The following EBF1 variants were observed in gnomAD, a reference collection of about 807,000 sequenced individuals.
EBF1 encodes EBF transcription factor 1, also known as transcription factor COE1.
In EBF1, 10 loss-of-function variants were observed where a neutral mutation model predicts 68.4. The ratio of observed to expected loss-of-function variants is 0.15; its 90% CI spans 0.09 to 0.25. The LOEUF (loss-of-function observed/expected upper bound fraction) is 0.25. Ranked by LOEUF, EBF1 falls within the 10% of genes least tolerant of loss-of-function variation. The pLI is 1.00. For missense variants in EBF1, 509 were observed against 794.4 expected (o/e 0.64, Z 4.32); for synonymous variants, 298 against 299.8 (o/e 0.99, Z 0.06).
intron 6 of EBF1, among the ~76,000 whole-genome samples, chr5:158,958,095 C>T (rs1375449414): frequency 3.9e-5 from 6 of 152,148 alleles, no homozygotes; most frequent in Non-Finnish European, 7.4e-5. Flanking sequence ...CTGTGTTTCC[C>T]GGCAAAGAGG....
At chr5:158,732,062 C>T (rs908282478) in intron 10 of EBF1, among the ~76,000 whole-genome samples, 13 of 152,164 alleles carry the variant, frequency 8.5e-5, no homozygotes, top group Non-Finnish European at 1.6e-4. Context: ...ACGGCAGCTC[C>T]AGCTCCTATC....
chr5:159,055,746 G>A (rs1459056620), intron 6 of EBF1, among the ~76,000 whole-genome samples: 1 of 152,166 alleles, frequency 6.6e-6, no homozygotes, highest in Non-Finnish European at 1.5e-5. Context: ...AAAGATGAAT[G>A]GCAATGGATT....
intron 9 of EBF1, among the ~76,000 whole-genome samples, chr5:158,779,429 T>C (rs1332174502): frequency 1.3e-5 from 2 of 152,184 alleles, no homozygotes; most frequent in African/African-American, 4.8e-5. Flanking sequence ...ACAAACTCAG[T>C]TTTTTTCTGA....
intron 6 of EBF1, among the ~76,000 whole-genome samples, chr5:158,896,768 T>C (rs1381815715): frequency 6.6e-6 from 1 of 152,212 alleles, no homozygotes; most frequent in Admixed American, 6.5e-5. Context: ...ATGACTCCAA[T>C]AGCTCTTTAA....
chr5:158,866,040 C>G (rs1434281973), intron 6 of EBF1, among the ~76,000 whole-genome samples: 1 of 152,178 alleles, frequency 6.6e-6, no homozygotes, highest in Non-Finnish European at 1.5e-5. Context: ...TGTTAGATCT[C>G]AAGGGGACCC....
At chr5:159,000,345 A>T (rs1250313252) in intron 6 of EBF1, among the ~76,000 whole-genome samples, 4 of 152,186 alleles carry the variant, frequency 2.6e-5, no homozygotes, top group Non-Finnish European at 4.4e-5. Flanking sequence ...AAAATGAGTA[A>T]TACAGATAAA....
At chr5:158,777,606 G>A in intron 9 of EBF1, 67 bp from the exon 10 acceptor site, 1 of 1,483,738 alleles carries the variant, frequency 6.7e-7, no homozygotes, top group Non-Finnish European at 9.1e-7. Context: ...CTTCCTAATA[G>A]CTCTCCATAA....
At chr5:158,715,444 CTATAA>C (rs1382388942) in intron 11 of EBF1, among the ~76,000 whole-genome samples, 10 of 152,260 alleles carry the variant, frequency 6.6e-5, no homozygotes, top group African/African-American at 1.4e-4. Flanking sequence ...TTTAAATTCT[CTATAA>C]TATAAGATAA....
At chr5:158,761,280 G>A (rs1771383716) in intron 10 of EBF1, among the ~76,000 whole-genome samples, 1 of 152,182 alleles carries the variant, frequency 6.6e-6, no homozygotes, top group Admixed American at 6.5e-5. Context: ...TAAAACATCA[G>A]CAAATCAAAT....
chr5:158,805,721 C>T (rs976139516), intron 8 of EBF1, among the ~76,000 whole-genome samples: 2 of 151,982 alleles, frequency 1.3e-5, no homozygotes, highest in South Asian at 2.1e-4. Flanking sequence ...TAGGAGTTTA[C>T]GTTGATGTTT....
At position 159,099,637 on chromosome 5, in the gene EBF1, G is replaced by T; in HGVS notation, c.-159C>A. On this transcript the variant is annotated 5_prime_UTR_variant, in exon 1 of 16. Transcript: ENST00000313708. ...ACTCGCACTTAGAAGATCAAGGCGG[G>T]CTGGAAAGCAAATTTTTAAAAAATG... is the stretch of plus-strand genomic sequence containing the variant. 1.0e-6 allele frequency: 1 copy of T among 990,730 alleles called. No homozygotes were observed. The highest frequency in any genetic ancestry group is 1.4e-6 in the Non-Finnish European group (1 of 727,300). 61.4% of individuals were successfully genotyped at this position (990,730 alleles called of 1,614,324 possible).
intron 6 of EBF1, among the ~76,000 whole-genome samples, chr5:159,014,456 C>T (rs1765280836): frequency 1.3e-5 from 2 of 152,174 alleles, no homozygotes; most frequent in Non-Finnish European, 2.9e-5. Flanking sequence ...CCTCATGACA[C>T]CCCTAACTAG....
chr5:158,768,904 C>T (rs1345804835), intron 10 of EBF1, among the ~76,000 whole-genome samples: 1 of 152,154 alleles, frequency 6.6e-6, no homozygotes. Flanking sequence ...AGTTTATTGG[C>T]TTTGAAAACC....
intron 10 of EBF1, among the ~76,000 whole-genome samples, chr5:158,735,615 T>C (rs1765012470): frequency 6.6e-6 from 1 of 152,172 alleles, no homozygotes; most frequent in Admixed American, 6.5e-5. Context: ...TACTGGGGAA[T>C]GGATATTGGT....
intron 13 of EBF1, 65 bp downstream of exon 13, chr5:158,712,905 T>A (rs1759738630): frequency 1.5e-6 from 2 of 1,372,942 alleles, no homozygotes; most frequent in Non-Finnish European, 1.9e-6. Context: ...AAATTGTTCA[T>A]GACCAATAAA....
intron 6 of EBF1, among the ~76,000 whole-genome samples, chr5:159,035,985 G>C (rs73818913): frequency 1.6e-3 from 248 of 152,282 alleles, no homozygotes; most frequent in African/African-American, 5.1e-3. Flanking sequence ...CCAGTGGTGG[G>C]GGACATGAAA....
intron 6 of EBF1, among the ~76,000 whole-genome samples, chr5:158,978,037 A>G (rs371929617): frequency 8.5e-5 from 13 of 152,206 alleles, no homozygotes; most frequent in African/African-American, 2.9e-4. Context: ...GGCATTTCTA[A>G]TACTTTTCAC....
At position 158,735,782 on chromosome 5, in the gene EBF1, C is replaced by T. The variant is rs575098249; in HGVS notation, c.1037-4625G>A. Among the ~76,000 whole-genome samples, 7 of 152,272 alleles carry T rather than the reference C, an allele frequency of 4.6e-5. No individual in the cohort carries two copies. The South Asian group carries it at 1.2e-3, about 27-fold the overall frequency. On this transcript the variant is annotated intron_variant, in intron 10 of 15. Coordinates refer to ENST00000313708, the MANE Select transcript of EBF1 (RefSeq NM_024007.5). The stretch of plus-strand genomic sequence containing the variant: ...AGAGGGCTTTAGGTTCCTTCCGGAT[C>T]TCATCATCTCAGAGTCCCCTAAAGG...
At chr5:159,011,212 C>T (rs1382312365) in intron 6 of EBF1, among the ~76,000 whole-genome samples, 1 of 152,182 alleles carries the variant, frequency 6.6e-6, no homozygotes, top group Non-Finnish European at 1.5e-5. Context: ...AAGTTGAAGG[C>T]AAATCAACTT....
Sources: gnomAD v4.1 joint callset for allele counts (sites outside exome capture counted in the v4.1 genomes callset) on GRCh38, gnomAD v4.1.1 for gene constraint, MANE v1.5 for transcripts, NCBI Gene and HGNC (gene_info 2026-07-23, HGNC 2026-07-21) for gene names.